Variants in MTTP observed in about 807,000 individuals in gnomAD.
The protein encoded by MTTP is microsomal triglyceride transfer protein large subunit.
MTTP carries 49 observed loss-of-function variants against 90.6 expected under a neutral mutation model. The observed-to-expected ratio is 0.54, with a 90% CI of 0.43 to 0.69. The LOEUF (loss-of-function observed/expected upper bound fraction) is 0.69. Ranked by LOEUF, MTTP falls within the 30% of genes least tolerant of loss-of-function variation. The pLI, the probability that MTTP is intolerant of heterozygous loss-of-function variation, is 0.00. For synonymous variants in MTTP, 347 were observed against 384.2 expected (o/e 0.90, Z 1.13); for missense variants, 945 against 1,067.5 (o/e 0.89, Z 1.60).
upstream of MTTP, among the ~76,000 whole-genome samples, chr4:99,571,486 G>A (rs565034774): frequency 6.6e-6 from 1 of 151,876 alleles, no homozygotes; most frequent in South Asian, 2.1e-4. Flanking sequence ...TCCTTTTATG[G>A]TAACTGATAT....
chr4:99,611,045 T>C, intron 12 of MTTP, 98 bp from the exon 13 acceptor site: 1 of 1,352,946 alleles, frequency 7.4e-7, no homozygotes, highest in Non-Finnish European at 1.0e-6. Flanking sequence ...AAATTTGGCT[T>C]CCTCTTTTTT....
At chr4:99,596,490 A>C (rs1470642896) in intron 7 of MTTP, among the ~76,000 whole-genome samples, 1 of 152,166 alleles carries the variant, frequency 6.6e-6, no homozygotes, top group African/African-American at 2.4e-5. Context: ...AATTACCTTT[A>C]TCTAAATGCT....
At chr4:99,573,477 C>T (rs984584116), upstream of MTTP, among the ~76,000 whole-genome samples, 2 of 152,106 alleles carry the variant, frequency 1.3e-5, no homozygotes, top group East Asian at 1.9e-4. Context: ...TCCAACCAAA[C>T]AATTTATTTT....
chr4:99,613,309 T>G (rs1726009389), intron 15 of MTTP, among the ~76,000 whole-genome samples, 169 bp downstream of exon 15: 1 of 152,160 alleles, frequency 6.6e-6, no homozygotes, highest in South Asian at 2.1e-4. Flanking sequence ...TTACTATAGA[T>G]ATGTTATAAT....
chr4:99,620,500 T>C (rs1726203755), intron 16 of MTTP, among the ~76,000 whole-genome samples: 1 of 152,222 alleles, frequency 6.6e-6, no homozygotes, highest in South Asian at 2.1e-4. Context: ...TAGGACCTAC[T>C]GTACATGCCC....
chr4:99,610,641 A>G (rs1725927267), intron 12 of MTTP, among the ~76,000 whole-genome samples: 1 of 152,198 alleles, frequency 6.6e-6, no homozygotes, highest in South Asian at 2.1e-4. Context: ...GATGATTTCT[A>G]TATGGGTTTT....
At chr4:99,593,943 G>T (rs1578242670) in intron 6 of MTTP, among the ~76,000 whole-genome samples, 1 of 152,066 alleles carries the variant, frequency 6.6e-6, no homozygotes, top group Non-Finnish European at 1.5e-5. Flanking sequence ...GGCTTGCCTT[G>T]GCCTTGCTAG....
At chr4:99,593,212 C>T (rs959991980) in intron 6 of MTTP, among the ~76,000 whole-genome samples, 17 of 152,078 alleles carry the variant, frequency 1.1e-4, no homozygotes, top group Non-Finnish European at 5.9e-5. Flanking sequence ...ATTCACGGCA[C>T]ATGGTAAATA....
intron 3 of MTTP, among the ~76,000 whole-genome samples, chr4:99,588,080 G>T (rs1325371813): frequency 6.6e-6 from 1 of 152,104 alleles, no homozygotes; most frequent in Non-Finnish European, 1.5e-5. Flanking sequence ...ACTAGGCAGA[G>T]TATATGTAGG....
At chr4:99,606,431 G>GC (rs1276637739) in intron 10 of MTTP, among the ~76,000 whole-genome samples, 1 of 152,138 alleles carries the variant, frequency 6.6e-6, no homozygotes, top group African/African-American at 2.4e-5. Context: ...TGAATGAGCA[G>GC]TTTTTTGAAT....
Position 99,600,670 on chromosome 4 carries a change from G to A in MTTP, c.1173G>A (p.Glu391=), listed in dbSNP as rs779359258. The A allele has an allele frequency of 6.2e-7, 1 of 1,613,760 alleles. No individual in the cohort carries two copies. Among genetic ancestry groups the A allele is most frequent in the Admixed American group, 1.7e-5 (1 of 59,984 alleles). ...GTGACAGCAGCATTATCCTCCAGGA[G>A]AGGTTTCTCTATGCCTGTGGATTTG... ...FKSDSSIILQ[E]RFLYACGFAS... Residue 391 remains glutamate, a synonymous_variant, in exon 9 of 18, where the codon GAG becomes GAA. Transcript: ENST00000265517.
At chr4:99,614,052 T>C (rs907152699) in intron 15 of MTTP, among the ~76,000 whole-genome samples, 1 of 152,244 alleles carries the variant, frequency 6.6e-6, no homozygotes, top group African/African-American at 2.4e-5. Flanking sequence ...TCATACTTAT[T>C]ATATTGAGAA....
chr4:99,602,337 A>G (rs1725719827), intron 10 of MTTP, among the ~76,000 whole-genome samples: 2 of 152,174 alleles, frequency 1.3e-5, no homozygotes, highest in African/African-American at 4.8e-5. Context: ...CTTTTTAAGT[A>G]TAACTAAATA....
chr4:99,570,403 T>C (rs1405364387), upstream of MTTP, among the ~76,000 whole-genome samples: 1 of 151,990 alleles, frequency 6.6e-6, no homozygotes, highest in African/African-American at 2.4e-5. Flanking sequence ...TTCTTGAAAA[T>C]AATCTGTCCT....
At chr4:99,594,688 C>T in intron 6 of MTTP, 45 bp from the exon 7 acceptor site, 3 of 1,608,640 alleles carry the variant, frequency 1.9e-6, no homozygotes, top group Non-Finnish European at 2.6e-6. Context: ...CTTGTTCACT[C>T]AAAAGAATGA....
Position 99,622,833 on chromosome 4 carries a change from C to G in MTTP, c.2670C>G (p.Ser890=). Residue 890 remains serine (S), a synonymous_variant, in exon 18 of 18, where the codon TCC becomes TCG. Coordinates refer to ENST00000265517, the MANE Select transcript of MTTP (RefSeq NM_001386140.1). The part of the protein sequence containing the change: ...VVFAPQPDST[S]SGWF ...TTGCCCCTCAGCCGGATAGTACTTC[C>G]AGCGGATGGTTTTGAAACTGACCTG... 6.2e-7 allele frequency: 1 copy of G among 1,614,094 alleles called. No individual in the cohort carries two copies. The highest frequency in any genetic ancestry group is 8.5e-7 in the Non-Finnish European group (1 of 1,179,976).
intron 15 of MTTP, 108 bp downstream of exon 15, chr4:99,613,248 G>A (rs1726008288): frequency 1.0e-6 from 1 of 970,046 alleles, no homozygotes; most frequent in South Asian, 1.4e-5. Flanking sequence ...GCCCATCTTG[G>A]AGCTCATATT....
intron 1 of MTTP, among the ~76,000 whole-genome samples, chr4:99,575,829 C>A (rs909963039): frequency 6.6e-6 from 1 of 152,138 alleles, no homozygotes; most frequent in South Asian, 2.1e-4. Flanking sequence ...ATTGATATAA[C>A]AACATAGCGT....
chr4:99,578,119 G>C (rs1200325477), intron 1 of MTTP, among the ~76,000 whole-genome samples: 1 of 152,116 alleles, frequency 6.6e-6, no homozygotes. Context: ...GACTAAGCCA[G>C]TTATCAGTGA....
Sources: gnomAD v4.1 joint callset for allele counts (sites outside exome capture counted in the v4.1 genomes callset) on GRCh38, gnomAD v4.1.1 for gene constraint, MANE v1.5 for transcripts, NCBI Gene and HGNC (gene_info 2026-07-23, HGNC 2026-07-21) for gene names.